ANGPT1: variants seen among roughly 807,000 people sequenced by gnomAD.
The protein encoded by ANGPT1 is angiopoietin 1, also known as angiopoietin-1.
In ANGPT1, 17 loss-of-function variants were observed where a neutral mutation model predicts 62.2. The ratio of observed to expected loss-of-function variants is 0.27; its 90% CI spans 0.19 to 0.41. The LOEUF (loss-of-function observed/expected upper bound fraction) is 0.41. Ranked by LOEUF, ANGPT1 falls within the 10% of genes least tolerant of loss-of-function variation. The pLI, the probability that ANGPT1 is intolerant of heterozygous loss-of-function variation, is 1.00. For missense variants in ANGPT1, 478 were observed against 594.9 expected (o/e 0.80, Z 2.04); for synonymous variants, 199 against 198.9 (o/e 1.00, Z 0.00).
chr8:107,481,610 GCTAT>G (rs1812689265), intron 1 of ANGPT1, among the ~76,000 whole-genome samples: 1 of 150,942 alleles, frequency 6.6e-6, no homozygotes, highest in South Asian at 2.1e-4. Context: ...ATCTCATGCT[GCTAT>G]GAAGAAATAC....
intron 1 of ANGPT1, among the ~76,000 whole-genome samples, chr8:107,453,904 G>C (rs915709782): frequency 6.6e-6 from 1 of 151,720 alleles, no homozygotes; most frequent in South Asian, 2.1e-4. Flanking sequence ...AGTCACCATA[G>C]TTTTAAAAAA....
intron 7 of ANGPT1, among the ~76,000 whole-genome samples, chr8:107,266,053 T>C (rs1357185382): frequency 6.6e-6 from 1 of 152,180 alleles, no homozygotes; most frequent in Non-Finnish European, 1.5e-5. Flanking sequence ...CAAATAATCT[T>C]CTAATGTTGA....
intron 1 of ANGPT1, among the ~76,000 whole-genome samples, chr8:107,459,795 G>A (rs527874425): frequency 6.6e-6 from 1 of 152,136 alleles, no homozygotes; most frequent in Non-Finnish European, 1.5e-5. Flanking sequence ...GAAGTAGAGG[G>A]AAAGTGGTAG....
At chr8:107,341,308 A>G (rs949034653) in intron 2 of ANGPT1, among the ~76,000 whole-genome samples, 1 of 152,212 alleles carries the variant, frequency 6.6e-6, no homozygotes, top group Non-Finnish European at 1.5e-5. Context: ...ACTAAAGGTC[A>G]TAATAAAGAA....
At chr8:107,495,655 T>C (rs919110442) in intron 1 of ANGPT1, among the ~76,000 whole-genome samples, 1 of 152,188 alleles carries the variant, frequency 6.6e-6, no homozygotes, top group African/African-American at 2.4e-5. Context: ...TAATATGTAA[T>C]GATTGAATTC....
chr8:107,319,888 A>G (rs868419396), intron 4 of ANGPT1, among the ~76,000 whole-genome samples: 1 of 152,138 alleles, frequency 6.6e-6, no homozygotes, highest in Non-Finnish European at 1.5e-5. Flanking sequence ...CAAGAAGCAA[A>G]TAAAATCTAT....
At chr8:107,289,506 C>T (rs572528330) in intron 6 of ANGPT1, among the ~76,000 whole-genome samples, 5 of 152,206 alleles carry the variant, frequency 3.3e-5, no homozygotes, top group Non-Finnish European at 5.9e-5. Flanking sequence ...GATAAGACAG[C>T]GCTGTGGCTT....
chr8:107,381,153 G>A (rs1432503201), intron 1 of ANGPT1, among the ~76,000 whole-genome samples: 3 of 152,116 alleles, frequency 2.0e-5, no homozygotes, highest in Admixed American at 6.5e-5. Context: ...GGTTTTATTG[G>A]AAGTTTCTTC....
intron 1 of ANGPT1, among the ~76,000 whole-genome samples, chr8:107,433,048 T>C (rs564358261): frequency 6.6e-6 from 1 of 152,240 alleles, no homozygotes; most frequent in Non-Finnish European, 1.5e-5. Flanking sequence ...TTCACATTCA[T>C]GTGAAATAAT....
At chr8:107,417,651 C>T (rs917846673) in intron 1 of ANGPT1, among the ~76,000 whole-genome samples, 7 of 152,100 alleles carry the variant, frequency 4.6e-5, no homozygotes, top group African/African-American at 1.7e-4. Flanking sequence ...TTAAATGGGG[C>T]TTATCTCATT....
At chr8:107,478,501 A>T (rs1401200437) in intron 1 of ANGPT1, among the ~76,000 whole-genome samples, 1 of 152,170 alleles carries the variant, frequency 6.6e-6, no homozygotes, top group Non-Finnish European at 1.5e-5. Flanking sequence ...GTAAACTGAG[A>T]TCGCACGGCT....
chr8:107,340,416 A>C (rs1815669849), intron 2 of ANGPT1, among the ~76,000 whole-genome samples: 1 of 152,144 alleles, frequency 6.6e-6, no homozygotes, highest in Non-Finnish European at 1.5e-5. Flanking sequence ...TTAAAAATGA[A>C]AATTATTAGT....
chr8:107,363,172 A>G (rs1490755618), intron 1 of ANGPT1, among the ~76,000 whole-genome samples: 1 of 151,980 alleles, frequency 6.6e-6, no homozygotes, highest in Non-Finnish European at 1.5e-5. Context: ...TCTCATCAGT[A>G]AAGCCATCAG....
At chr8:107,303,447 C>T in intron 4 of ANGPT1, 80 bp from the exon 5 acceptor site, 1 of 1,202,348 alleles carries the variant, frequency 8.3e-7, no homozygotes, top group Non-Finnish European at 1.2e-6. Context: ...AATAGCTAAG[C>T]ATGTCTTCAT....
At chr8:107,353,550 GC>G (rs2130179754) in intron 1 of ANGPT1, among the ~76,000 whole-genome samples, 1 of 152,186 alleles carries the variant, frequency 6.6e-6, no homozygotes, top group Admixed American at 6.5e-5. Context: ...CTCTGTTCTT[GC>G]TTCCTACCAT....
intron 1 of ANGPT1, among the ~76,000 whole-genome samples, chr8:107,370,364 G>GAAA (rs1479952530): frequency 0.013 from 423 of 32,458 alleles, 53 homozygotes; most frequent in Admixed American, 0.042. Context: ...AAGAAAGAAA[G>GAAA]AAAGAAAGAA....
At chr8:107,421,962 A>G (rs1810907105) in intron 1 of ANGPT1, among the ~76,000 whole-genome samples, 2 of 152,238 alleles carry the variant, frequency 1.3e-5, no homozygotes, top group South Asian at 4.1e-4. Context: ...TCCATTTGTG[A>G]ACCACTGCTA....
chr8:107,335,749 G>A (rs1360470023), intron 3 of ANGPT1, among the ~76,000 whole-genome samples: 1 of 152,134 alleles, frequency 6.6e-6, no homozygotes, highest in African/African-American at 2.4e-5. Flanking sequence ...CTTTGTAAAA[G>A]CCTAAGAATT....
chr8:107,338,004 G>A (rs1182217454), intron 2 of ANGPT1, among the ~76,000 whole-genome samples: 1 of 152,178 alleles, frequency 6.6e-6, no homozygotes, highest in Non-Finnish European at 1.5e-5. Context: ...GCTAAGGAAG[G>A]AGAATCACTT....
Sources: gnomAD v4.1 joint callset for allele counts (sites outside exome capture counted in the v4.1 genomes callset) on GRCh38, gnomAD v4.1.1 for gene constraint, MANE v1.5 for transcripts, NCBI Gene and HGNC (gene_info 2026-07-23, HGNC 2026-07-21) for gene names.